RBFOX3: variants seen among roughly 807,000 people sequenced by gnomAD.
RBFOX3 encodes RNA binding protein fox-1 homolog 3.
RBFOX3 carries 17 observed loss-of-function variants against 48.7 expected under a neutral mutation model. The observed-to-expected ratio is 0.35, with a 90% CI of 0.24 to 0.52. RBFOX3 has a LOEUF of 0.52. Among genes scored for constraint, RBFOX3 ranks in the 20% least tolerant of loss-of-function variants. The pLI is 0.94. For synonymous variants in RBFOX3, 212 were observed against 209.5 expected (o/e 1.01, Z -0.10); for missense variants, 382 against 497.5 (o/e 0.77, Z 2.21).
At chr17:79,665,106 A>C in the RBFOX3 span, among the ~76,000 whole-genome samples, 1 of 152,164 alleles carries the variant, frequency 6.6e-6, no homozygotes, top group Non-Finnish European at 1.5e-5. Flanking sequence ...CAGGTGAACA[A>C]ACAGGTTAGA....
rs370543328 is a variant in RBFOX3 at position 79,218,941 on chromosome 17, G to A, written c.-34+16825C>T. ...GTGACCAGCGGTGAGCTTGACCCTC[G>A]CGATTCTGACTCCCAGGGGCCATCC... On this transcript the variant is annotated intron_variant, in intron 4 of 14. Transcript: ENST00000693108. 4.6e-4 allele frequency among the ~76,000 whole-genome samples: 70 copies of A among 152,308 alleles called. 2 individuals are homozygous for A. The highest frequency in any genetic ancestry group is 3.4e-3 in the Middle Eastern group (1 of 294).
At chr17:79,623,375 C>T in the RBFOX3 span, among the ~76,000 whole-genome samples, 3 of 152,188 alleles carry the variant, frequency 2.0e-5, no homozygotes, top group African/African-American at 7.2e-5. Context: ...ACGTCCTAAC[C>T]CCTGGAACCT....
chr17:79,247,310 ATTT>A (rs57539628), intron 3 of RBFOX3, among the ~76,000 whole-genome samples: 50 of 116,552 alleles, frequency 4.3e-4, no homozygotes, highest in African/African-American at 1.3e-3. Context: ...ACATAATCGT[ATTT>A]TTTTTTTTTT....
chr17:79,572,711 GGTTTGCAAACGTGCGT>G (rs1455941083), intron 1 of RBFOX3, among the ~76,000 whole-genome samples: 3 of 152,182 alleles, frequency 2.0e-5, no homozygotes, highest in African/African-American at 7.2e-5. Flanking sequence ...GGCCTACAGC[GGTTTGCAAACGTGCGT>G]GTTTCCCAAG....
intron 2 of RBFOX3, among the ~76,000 whole-genome samples, chr17:79,326,061 G>A (rs1324867007): frequency 6.6e-6 from 1 of 152,198 alleles, no homozygotes; most frequent in African/African-American, 2.4e-5. Context: ...TCCTACCACC[G>A]AAAGGCGCAG....
At chr17:79,393,350 G>A (rs1467971267) in intron 2 of RBFOX3, among the ~76,000 whole-genome samples, 1 of 152,228 alleles carries the variant, frequency 6.6e-6, no homozygotes, top group Non-Finnish European at 1.5e-5. Context: ...GGAGAGTCGT[G>A]GTTACAATAC....
chr17:79,289,299 G>A (rs1163641329), intron 3 of RBFOX3, among the ~76,000 whole-genome samples: 1 of 152,244 alleles, frequency 6.6e-6, no homozygotes, highest in Non-Finnish European at 1.5e-5. Context: ...GAGAGATGGG[G>A]AAGGTTAGAG....
chr17:79,463,207 T>C (rs1456637889), intron 2 of RBFOX3, among the ~76,000 whole-genome samples: 6 of 66,210 alleles, frequency 9.1e-5, no homozygotes, highest in Non-Finnish European at 1.3e-4. Flanking sequence ...CCATCGCCAC[T>C]GCCACCTCCA....
At chr17:79,521,006 C>A (rs1431145904) in intron 1 of RBFOX3, among the ~76,000 whole-genome samples, 2 of 152,238 alleles carry the variant, frequency 1.3e-5, no homozygotes, top group Admixed American at 6.5e-5. Context: ...AGGGAGCACA[C>A]GGGTGAAGCC....
chr17:79,431,964 C>T (rs1351666994), intron 2 of RBFOX3, among the ~76,000 whole-genome samples: 1 of 152,226 alleles, frequency 6.6e-6, no homozygotes, highest in Non-Finnish European at 1.5e-5. Context: ...CAATCATTCT[C>T]TCTCAGGCCC....
chr17:79,326,029 G>T (rs2079257872), intron 2 of RBFOX3, among the ~76,000 whole-genome samples: 1 of 152,228 alleles, frequency 6.6e-6, no homozygotes, highest in Non-Finnish European at 1.5e-5. Flanking sequence ...CCTCTTCAGA[G>T]ATATTCTAAT....
rs1555684870 is a variant in RBFOX3 at position 79,356,373 on chromosome 17, T to TTTGTTTTTG, written c.-174-48550_-174-48549insCAAAAACAA. Reference sequence around the variant, plus strand: ...GTTTTTTTTTTTTTTTTTTTTTTTTTTTTTTTTTTTTTTGAGGAGGAGTCT... The same window carrying TTTGTTTTTG: ...GTTTTTTTTTTTTTTTTTTTTTTTTTTTGTTTTTGTTTTTTTTTTTTTGAGGAGGAGTCT... On this transcript the variant is annotated intron_variant, in intron 2 of 14. Coordinates refer to ENST00000693108, the MANE Select transcript of RBFOX3 (RefSeq NM_001350451.2). Among the ~76,000 whole-genome samples, 852 of 89,038 alleles carry TTTGTTTTTG rather than the reference T, an allele frequency of 9.6e-3. 51 individuals carry two copies. Among genetic ancestry groups the TTTGTTTTTG allele is most frequent in the South Asian group, 0.026 (56 of 2,188 alleles). 58.4% of individuals were successfully genotyped at this position (89,038 alleles called of 152,430 possible).
the RBFOX3 span, among the ~76,000 whole-genome samples, chr17:79,650,768 C>T: frequency 6.4e-4 from 97 of 152,290 alleles, no homozygotes; most frequent in Middle Eastern, 3.4e-3. Context: ...GGCAGCTGTC[C>T]ACCCATGGCC....
chr17:79,175,455 C>T (rs1244408769), intron 4 of RBFOX3, among the ~76,000 whole-genome samples: 1 of 152,266 alleles, frequency 6.6e-6, no homozygotes, highest in African/African-American at 2.4e-5. Context: ...TGGAGTCACT[C>T]TCCTGGGATC....
chr17:79,457,955 C>T (rs1301761408), intron 2 of RBFOX3, among the ~76,000 whole-genome samples: 3 of 152,250 alleles, frequency 2.0e-5, no homozygotes, highest in African/African-American at 7.2e-5. Flanking sequence ...GAGGTCCTTG[C>T]ATCCAGCAGT....
chr17:79,606,267 G>T (rs1458616944), intron 1 of RBFOX3, among the ~76,000 whole-genome samples: 1 of 152,184 alleles, frequency 6.6e-6, no homozygotes, highest in African/African-American at 2.4e-5. Flanking sequence ...GCACCCAAGA[G>T]GTGGCCTTTG....
At chr17:79,120,299 C>T (rs1313895487) in intron 4 of RBFOX3, among the ~76,000 whole-genome samples, 8 of 151,892 alleles carry the variant, frequency 5.3e-5, no homozygotes, top group Admixed American at 2.6e-4. Context: ...GATGTACGTA[C>T]GTATGTACGT....
chr17:79,096,160 C>T (rs564721037), intron 12 of RBFOX3, among the ~76,000 whole-genome samples: 7 of 152,194 alleles, frequency 4.6e-5, no homozygotes, highest in South Asian at 2.1e-4. Flanking sequence ...GGGGTGTGGC[C>T]GTCAGTGAGT....
In RBFOX3 at chr17:79,418,607, G is replaced by A. The variant is rs1218131692; in HGVS notation, c.-175+63847C>T. On this transcript the variant is annotated intron_variant, in intron 2 of 14. Transcript: ENST00000693108. The surrounding 1 kb of genome is among the most constrained non-coding windows in gnomAD (Gnocchi z 5.0). Reference sequence around the variant, plus strand: ...GCATCCCAGCTCAGGGATGCTTCTTGGCAAGGAGGTCTGGGAGAAAATCAG... The same window carrying A: ...GCATCCCAGCTCAGGGATGCTTCTTAGCAAGGAGGTCTGGGAGAAAATCAG... 6.6e-6 allele frequency among the ~76,000 whole-genome samples: 1 copy of A among 152,184 alleles called. No homozygotes were observed. Among genetic ancestry groups the A allele is most frequent in the Non-Finnish European group, 1.5e-5 (1 of 68,024 alleles).
Sources: gnomAD v4.1 joint callset for allele counts (sites outside exome capture counted in the v4.1 genomes callset) on GRCh38, gnomAD v4.1.1 for gene constraint, Gnocchi (gnomAD v3.1) non-coding constraint, MANE v1.5 for transcripts, NCBI Gene and HGNC (gene_info 2026-07-23, HGNC 2026-07-21) for gene names.